HDDC2: variants seen among roughly 807,000 people sequenced by gnomAD.
HDDC2 encodes the protein 5'-deoxynucleotidase HDDC2.
A neutral mutation model predicts 25.5 loss-of-function variants in HDDC2; 25 were observed. The ratio of observed to expected loss-of-function variants is 0.98; its 90% CI spans 0.72 to 1.37. HDDC2 has a LOEUF of 1.37. Among genes scored for constraint, HDDC2 ranks in the 40% most tolerant of loss-of-function variants. HDDC2 has a pLI of 0.00. For synonymous variants in HDDC2, 106 were observed against 89.7 expected (o/e 1.18, Z -1.03); for missense variants, 264 against 253.1 (o/e 1.04, Z -0.29).
At chr6:125,288,638 AAAAC>A (rs1274298159) in intron 4 of HDDC2, among the ~76,000 whole-genome samples, 2 of 151,774 alleles carry the variant, frequency 1.3e-5, no homozygotes, top group African/African-American at 2.4e-5. Flanking sequence ...TTACAAGAAA[AAAAC>A]AAACAACCCC....
intron 4 of HDDC2, among the ~76,000 whole-genome samples, chr6:125,289,185 C>T (rs1798590470): frequency 7.4e-6 from 1 of 134,452 alleles, no homozygotes; most frequent in African/African-American, 3.2e-5. Flanking sequence ...TTTGTAGGGA[C>T]ATGGATGAAA....
rs112164456 is a variant in HDDC2, at chr6:125,289,104, A to G, written c.378+3737T>C. Among the ~76,000 whole-genome samples the G allele has an allele frequency of 9.4e-3, 1,023 of 109,286 alleles. 1 individual carries two copies. Among genetic ancestry groups the G allele is most frequent in the Middle Eastern group, 0.034 (7 of 204 alleles). 71.7% of individuals were successfully genotyped at this position (109,286 alleles called of 152,430 possible). A position where few individuals can be genotyped will look rare whatever the true frequency, so the allele number is the denominator to read the frequency against. The stretch of plus-strand genomic sequence containing the variant: ...CCCAAATGTCCAACAATGATAGACT[A>G]GATTAAGAAAATGTGGCACATATAC... On this transcript the variant is annotated intron_variant, in intron 4 of 5. Coordinates refer to ENST00000398153, the MANE Select transcript of HDDC2 (RefSeq NM_016063.3).
intron 4 of HDDC2, among the ~76,000 whole-genome samples, chr6:125,280,654 A>C (rs1156430107): frequency 6.6e-6 from 1 of 152,268 alleles, no homozygotes; most frequent in Non-Finnish European, 1.5e-5. Context: ...CCGTAGCAAG[A>C]CTACCTCCCA....
chr6:125,292,183 G>C (rs1798642551), intron 4 of HDDC2, among the ~76,000 whole-genome samples: 1 of 152,180 alleles, frequency 6.6e-6, no homozygotes. Flanking sequence ...TTGTGGACTG[G>C]CTGGAAGAGA....
chr6:125,296,032 A>G (rs1798701533), intron 3 of HDDC2, among the ~76,000 whole-genome samples: 1 of 152,108 alleles, frequency 6.6e-6, no homozygotes, highest in Admixed American at 6.5e-5. Flanking sequence ...TCTCCAAAAC[A>G]ATCAGCCTTC....
At chr6:125,301,254 GGAGA>G (rs1030574002) in intron 1 of HDDC2, among the ~76,000 whole-genome samples, 1 of 152,150 alleles carries the variant, frequency 6.6e-6, no homozygotes, top group African/African-American at 2.4e-5. Flanking sequence ...TTTGAACTTG[GGAGA>G]GAGACGGGGA....
Position 125,298,809 on chromosome 6 carries a change from G to A in HDDC2, c.214C>T (p.Arg72Cys), listed in dbSNP as rs149284773. 35 of 1,611,876 alleles carry A rather than the reference G, an allele frequency of 2.2e-5. No homozygotes were observed. The highest frequency in any genetic ancestry group is 1.3e-4 in the Admixed American group (8 of 60,022). ...GCCATATCATGAACCAGGGCTAGGC[G>A]TACACATCTGATCAGGCAAGAAATG... ...DDRLNKDRCV[R>C]LALVHDMAEC... Residue 72 changes from arginine to cysteine, a missense_variant, in exon 3 of 6, where the codon CGC (arginine) becomes TGC (cysteine). Arg to Cys is a radical substitution (Grantham distance 180). Transcript: ENST00000398153.
chr6:125,299,675 C>T (rs777339616), intron 2 of HDDC2, among the ~76,000 whole-genome samples: 4 of 152,236 alleles, frequency 2.6e-5, no homozygotes, highest in Non-Finnish European at 5.9e-5. Flanking sequence ...TATTGGACTT[C>T]ATTTTCACCT....
intron 4 of HDDC2, among the ~76,000 whole-genome samples, chr6:125,281,644 A>C (rs747250656): frequency 2.0e-5 from 3 of 152,208 alleles, no homozygotes; most frequent in Non-Finnish European, 4.4e-5. Flanking sequence ...TAAAGTGTGA[A>C]GACAAGATTA....
At chr6:125,299,890 C>T (rs372323005) in intron 2 of HDDC2, among the ~76,000 whole-genome samples, 4 of 152,298 alleles carry the variant, frequency 2.6e-5, no homozygotes, top group South Asian at 2.1e-4. Context: ...TCTCTGGCTA[C>T]GTTAACCCTT....
At chr6:125,301,794 C>T in intron 1 of HDDC2, 55 bp downstream of exon 1, 3 of 1,347,058 alleles carry the variant, frequency 2.2e-6, no homozygotes, top group Non-Finnish European at 3.0e-6. Context: ...GGAAGCTCCG[C>T]CGCCCCACAG....
At chr6:125,297,867 GATGTTAATTTAATAC>G (rs1348354014) in intron 3 of HDDC2, among the ~76,000 whole-genome samples, 1 of 152,166 alleles carries the variant, frequency 6.6e-6, no homozygotes, top group East Asian at 1.9e-4. Flanking sequence ...AGTCCAAACT[GATGTTAATTTAATAC>G]ATTATTGATG....
chr6:125,301,937 C>A lies in HDDC2; in HGVS notation c.-5G>T. On this transcript the variant is annotated 5_prime_UTR_variant, in exon 1 of 6. Transcript: ENST00000398153. ...CGCAGAGGAGACCGAAGCCATGCGGCCACCGACCCCGGCTGGGCGGAGCAG... is the reference window on the plus strand; with the variant it reads ...CGCAGAGGAGACCGAAGCCATGCGGACACCGACCCCGGCTGGGCGGAGCAG... The A allele has an allele frequency of 6.5e-6, 10 of 1,547,470 alleles. No homozygotes were observed. Among genetic ancestry groups the A allele is most frequent in the Non-Finnish European group, 8.7e-6 (10 of 1,147,786 alleles).
Position 125,277,495 on chromosome 6 carries a change from T to C in HDDC2, c.379-255A>G, listed in dbSNP as rs1583047549. The C allele has an allele frequency of 1.0e-5, 4 of 398,086 alleles. No individual in the cohort carries two copies. The East Asian group carries it at 1.6e-4, about 16-fold the overall frequency. The allele number at this position is 398,086 out of a possible 1,614,324, so 24.7% of individuals were successfully genotyped here. ...AAGCCATGGAAATCTTGTATGTTCA[T>C]CTTAGGTACTTTCAAGATCTTTTCT... On this transcript the variant is annotated intron_variant, in intron 4 of 5. Coordinates refer to ENST00000398153, the MANE Select transcript of HDDC2 (RefSeq NM_016063.3).
Position 125,279,958 on chromosome 6 carries a change from G to A in HDDC2, c.379-2718C>T, listed in dbSNP as rs537077378. On this transcript the variant is annotated intron_variant, in intron 4 of 5. Transcript: ENST00000398153. ...GATGAGATTCCCGGGCAAGATGGCCGAATAGGAACAGCTCTGGTCTGCAGC... is the reference window on the plus strand; with the variant it reads ...GATGAGATTCCCGGGCAAGATGGCCAAATAGGAACAGCTCTGGTCTGCAGC... Among the ~76,000 whole-genome samples, 26 of 152,324 alleles carry A rather than the reference G, an allele frequency of 1.7e-4. No individual in the cohort carries two copies. In the South Asian group the frequency reaches 2.1e-3, roughly 12 times the overall value.
At chr6:125,287,411 T>C (rs1798555913) in intron 4 of HDDC2, among the ~76,000 whole-genome samples, 1 of 152,148 alleles carries the variant, frequency 6.6e-6, no homozygotes, top group Non-Finnish European at 1.5e-5. Context: ...GAGTTGTAGT[T>C]AGAAGAAAGT....
chr6:125,279,969 G>A lies in HDDC2; in HGVS notation c.379-2729C>T, dbSNP rs555427869. ...CGGGCAAGATGGCCGAATAGGAACAGCTCTGGTCTGCAGCTCCCAGCAAGA... is the reference window on the plus strand; with the variant it reads ...CGGGCAAGATGGCCGAATAGGAACAACTCTGGTCTGCAGCTCCCAGCAAGA... On this transcript the variant is annotated intron_variant, in intron 4 of 5. Transcript: ENST00000398153. Among the ~76,000 whole-genome samples, 7 of 152,364 alleles carry A rather than the reference G, an allele frequency of 4.6e-5. No individual in the cohort carries two copies. In the South Asian group the frequency reaches 1.4e-3, roughly 32 times the overall value.
intron 4 of HDDC2, among the ~76,000 whole-genome samples, chr6:125,290,485 T>G (rs1798613557): frequency 6.6e-6 from 1 of 152,180 alleles, no homozygotes; most frequent in African/African-American, 2.4e-5. Context: ...GTTGAAAAAT[T>G]TATGTCCGCC....
intron 4 of HDDC2, among the ~76,000 whole-genome samples, chr6:125,282,033 G>A (rs1369318699): frequency 1.3e-5 from 2 of 152,138 alleles, no homozygotes; most frequent in Admixed American, 6.5e-5. Flanking sequence ...AGAAGAGAGT[G>A]GGGGCCAATA....
Sources: allele counts gnomAD v4.1 joint callset (sites outside exome capture counted in the v4.1 genomes callset), GRCh38; gene constraint gnomAD v4.1.1; transcripts MANE v1.5; gene names NCBI Gene and HGNC (gene_info 2026-07-23, HGNC 2026-07-21).